The following EBF1 variants were observed in gnomAD, a reference collection of about 807,000 sequenced individuals.
EBF1 encodes transcription factor COE1.
EBF1 carries 10 observed loss-of-function variants against 68.4 expected under a neutral mutation model. The ratio of observed to expected loss-of-function variants is 0.15; its 90% CI spans 0.09 to 0.25. The LOEUF is 0.25. EBF1 is among the 10% of genes least tolerant of loss of function. The pLI is 1.00. For missense variants in EBF1, 509 were observed against 794.4 expected (o/e 0.64, Z 4.32); for synonymous variants, 298 against 299.8 (o/e 0.99, Z 0.06).
chr5:158,970,116 T>G (rs370731412), intron 6 of EBF1, among the ~76,000 whole-genome samples: 1 of 152,256 alleles, frequency 6.6e-6, no homozygotes. Flanking sequence ...TTTGGTCAAG[T>G]TCCACTAATG....
intron 6 of EBF1, among the ~76,000 whole-genome samples, chr5:159,008,613 C>T (rs1456675985): frequency 1.3e-5 from 2 of 148,188 alleles, no homozygotes; most frequent in African/African-American, 5.0e-5. Context: ...GCAGCCTCAG[C>T]CTCCTGGGCT....
intron 9 of EBF1, among the ~76,000 whole-genome samples, chr5:158,794,402 G>C (rs541772030): frequency 2.0e-5 from 3 of 152,132 alleles, no homozygotes; most frequent in Non-Finnish European, 4.4e-5. Context: ...TCCCTTTGCT[G>C]TTCCCAAAAC....
At chr5:158,895,642 CA>C (rs1802028311) in intron 6 of EBF1, among the ~76,000 whole-genome samples, 1 of 152,122 alleles carries the variant, frequency 6.6e-6, no homozygotes, top group Non-Finnish European at 1.5e-5. Context: ...ATCAATAAAC[CA>C]AATACTTCCT....
intron 6 of EBF1, among the ~76,000 whole-genome samples, chr5:158,990,850 G>A (rs1411585529): frequency 6.6e-6 from 1 of 152,196 alleles, no homozygotes; most frequent in Non-Finnish European, 1.5e-5. Context: ...TTCTCTGTCA[G>A]AGATAATCTC....
At chr5:158,803,622 G>A in intron 8 of EBF1, among the ~76,000 whole-genome samples, 1 of 151,920 alleles carries the variant, frequency 6.6e-6, no homozygotes, top group South Asian at 2.1e-4. Context: ...ACCAGAGTAT[G>A]CAAACTTCAC....
At chr5:158,719,757 CACA>C in intron 11 of EBF1, among the ~76,000 whole-genome samples, 1 of 152,262 alleles carries the variant, frequency 6.6e-6, no homozygotes, top group African/African-American at 2.4e-5. Context: ...CATACACGAA[CACA>C]ACATTAATTT....
intron 8 of EBF1, among the ~76,000 whole-genome samples, chr5:158,822,433 C>T (rs1183537616): frequency 1.3e-5 from 2 of 152,148 alleles, no homozygotes; most frequent in African/African-American, 4.8e-5. Context: ...CCTAACCCAA[C>T]CCATGGTTCT....
At chr5:158,890,622 A>G (rs1800981672) in intron 6 of EBF1, among the ~76,000 whole-genome samples, 1 of 152,166 alleles carries the variant, frequency 6.6e-6, no homozygotes, top group East Asian at 1.9e-4. Context: ...TGTATATTCA[A>G]TACTTCTATT....
At chr5:159,086,334 C>G (rs577783294) in intron 4 of EBF1, among the ~76,000 whole-genome samples, 11 of 152,248 alleles carry the variant, frequency 7.2e-5, no homozygotes, top group Non-Finnish European at 2.9e-5. Context: ...TTATCTAAAT[C>G]AGAAAATTAA....
chr5:159,002,050 A>C (rs562195875), intron 6 of EBF1, among the ~76,000 whole-genome samples: 1 of 152,260 alleles, frequency 6.6e-6, no homozygotes, highest in East Asian at 1.9e-4. Context: ...CAGGGTTCCA[A>C]TACAGTTGTT....
intron 6 of EBF1, among the ~76,000 whole-genome samples, chr5:158,852,511 T>C (rs1247272121): frequency 6.6e-6 from 1 of 152,166 alleles, no homozygotes; most frequent in African/African-American, 2.4e-5. Flanking sequence ...AGTGACTCCT[T>C]AATTTGGATT....
chr5:159,048,405 C>T (rs979542644), intron 6 of EBF1, among the ~76,000 whole-genome samples: 3 of 152,184 alleles, frequency 2.0e-5, no homozygotes, highest in Non-Finnish European at 2.9e-5. Flanking sequence ...TCGTGGCTTC[C>T]TTCCACGGCA....
chr5:158,789,326 T>G (rs1268964092), intron 9 of EBF1, among the ~76,000 whole-genome samples: 2 of 152,198 alleles, frequency 1.3e-5, no homozygotes, highest in African/African-American at 2.4e-5. Flanking sequence ...CTATTTACAT[T>G]GTATTACATT....
chr5:158,759,926 CA>C (rs373242312), intron 10 of EBF1, among the ~76,000 whole-genome samples: 49 of 148,088 alleles, frequency 3.3e-4, no homozygotes, highest in East Asian at 1.4e-3. Flanking sequence ...CCCTCCCCTC[CA>C]AAAAAAAAAT....
chr5:158,899,486 T>G (rs1230833617), intron 6 of EBF1, among the ~76,000 whole-genome samples: 1 of 152,198 alleles, frequency 6.6e-6, no homozygotes. Context: ...CTTTTATGAG[T>G]GCCGTGTGCA....
At chr5:159,053,202 T>C (rs1394733798) in intron 6 of EBF1, among the ~76,000 whole-genome samples, 3 of 152,212 alleles carry the variant, frequency 2.0e-5, no homozygotes, top group Admixed American at 1.3e-4. Context: ...TATGTTGACG[T>C]TGGGCAAGTT....
intron 6 of EBF1, among the ~76,000 whole-genome samples, chr5:158,908,693 G>A (rs1406195403): frequency 2.0e-5 from 3 of 152,220 alleles, no homozygotes; most frequent in Non-Finnish European, 4.4e-5. Flanking sequence ...TGGAGGAGAT[G>A]CGTTTGCACC....
chr5:158,976,890 TG>T (rs929099198), intron 6 of EBF1, among the ~76,000 whole-genome samples: 2 of 152,216 alleles, frequency 1.3e-5, no homozygotes, highest in African/African-American at 4.8e-5. Flanking sequence ...GTATACATCT[TG>T]GTTCAGGCAG....
rs77996041 is a variant in EBF1, at chr5:158,761,006, G to T, written c.1036+16407C>A. Among the ~76,000 whole-genome samples, 696 of 152,250 alleles carry T rather than the reference G, an allele frequency of 4.6e-3. 4 individuals carry two copies. Among genetic ancestry groups the T allele is most frequent in the African/African-American group, 0.016 (675 of 41,556 alleles). ...AAGCACGTCATAATCAATAGCCAAA[G>T]AAAAGTTTAACATAACCCTGTGCTT... On this transcript the variant is annotated intron_variant, in intron 10 of 15. Transcript: ENST00000313708.
Sources: allele counts gnomAD v4.1 joint callset (sites outside exome capture counted in the v4.1 genomes callset), GRCh38; gene constraint gnomAD v4.1.1; transcripts MANE v1.5; gene names NCBI Gene and HGNC (gene_info 2026-07-23, HGNC 2026-07-21).